ATP8B4: variants seen among roughly 807,000 people sequenced by gnomAD.
ATP8B4 encodes ATPase phospholipid transporting 8B4 (putative), also known as probable phospholipid-transporting ATPase IM.
In ATP8B4, 133 loss-of-function variants were observed where a neutral mutation model predicts 145.6. The observed-to-expected ratio is 0.91, with a 90% CI of 0.79 to 1.05. The LOEUF (loss-of-function observed/expected upper bound fraction) is 1.05, where lower values mean the gene tolerates loss of function less well. Among genes scored for constraint, ATP8B4 ranks in the 50% least tolerant of loss-of-function variants. The pLI is 0.00. For synonymous variants in ATP8B4, 507 were observed against 492.9 expected (o/e 1.03, Z -0.38); for missense variants, 1,458 against 1,425.2 (o/e 1.02, Z -0.37).
intron 1 of ATP8B4, among the ~76,000 whole-genome samples, chr15:50,158,036 C>T (rs1229186358): frequency 4.6e-5 from 7 of 152,210 alleles, no homozygotes; most frequent in African/African-American, 7.2e-5. Context: ...GGATTGCAGA[C>T]GGAGTCTCGT....
At chr15:50,101,852 G>A (rs534720496) in intron 2 of ATP8B4, among the ~76,000 whole-genome samples, 1 of 152,046 alleles carries the variant, frequency 6.6e-6, no homozygotes, top group African/African-American at 2.4e-5. Context: ...CACAAAACAA[G>A]TCTCAACAAA....
chr15:50,061,035 C>A (rs1338999686), intron 3 of ATP8B4, among the ~76,000 whole-genome samples: 1 of 152,232 alleles, frequency 6.6e-6, no homozygotes, highest in South Asian at 2.1e-4. Context: ...GTACTGGATT[C>A]CCCCAGTAGG....
At chr15:50,016,392 A>G (rs2049090585) in intron 6 of ATP8B4, among the ~76,000 whole-genome samples, 1 of 152,190 alleles carries the variant, frequency 6.6e-6, no homozygotes, top group Non-Finnish European at 1.5e-5. Context: ...TCTTAGATTG[A>G]CCATGGAGAA....
chr15:49,918,075 A>G (rs2039920860), intron 19 of ATP8B4, among the ~76,000 whole-genome samples: 2 of 152,246 alleles, frequency 1.3e-5, no homozygotes, highest in Non-Finnish European at 2.9e-5. Flanking sequence ...GAATTTTAAC[A>G]TAGGTGTATG....
At position 50,068,497 on chromosome 15, in the gene ATP8B4, A is replaced by T. The variant is rs566951256; in HGVS notation, c.87+5630T>A. On this transcript the variant is annotated intron_variant, in intron 3 of 27. Transcript: ENST00000284509. ...TTTTTAGGTGGGACTCTTTCTTTCT[A>T]AGCATGTAAAACTACTGGTTAAATC... 3.3e-5 allele frequency among the ~76,000 whole-genome samples: 5 copies of T among 152,308 alleles called. 1 individual carries two copies. The South Asian group carries it at 1.0e-3, about 32-fold the overall frequency.
At chr15:50,127,437 CAAACA>C (rs1181867008) in intron 1 of ATP8B4, among the ~76,000 whole-genome samples, 2 of 152,166 alleles carry the variant, frequency 1.3e-5, no homozygotes, top group Non-Finnish European at 2.9e-5. Context: ...GAGTGAGTCA[CAAACA>C]TACATCCCAC....
In ATP8B4 at chr15:50,090,272, T is replaced by C. The variant is rs527236721; in HGVS notation, c.29-16087A>G. Among the ~76,000 whole-genome samples the C allele has an allele frequency of 2.6e-4, 39 of 152,266 alleles. 1 individual carries two copies. Among genetic ancestry groups the C allele is most frequent in the Admixed American group, 7.2e-4 (11 of 15,280 alleles). ...AATAGTTAATGCATGCTGGGCTTAA[T>C]TCCTAGGTGACAGGTTGATAGATGC... is the stretch of plus-strand genomic sequence containing the variant. On this transcript the variant is annotated intron_variant, in intron 2 of 27. Transcript: ENST00000284509.
At chr15:50,020,143 T>A (rs1036393568) in intron 6 of ATP8B4, among the ~76,000 whole-genome samples, 2 of 149,688 alleles carry the variant, frequency 1.3e-5, no homozygotes, top group Non-Finnish European at 3.0e-5. Flanking sequence ...TTAGTAGAAA[T>A]GGGGTTTTGC....
At chr15:49,982,546 T>A (rs1446236106) in intron 10 of ATP8B4, 1 of 152,030 alleles carries the variant, frequency 6.6e-6, no homozygotes, top group Non-Finnish European at 1.5e-5. Flanking sequence ...ACTGGGGATA[T>A]TTGGTGCTGT....
At position 50,092,925 on chromosome 15, in the gene ATP8B4, T is replaced by C. The variant is rs535812406; in HGVS notation, c.28+14014A>G. ...TATATCTAGACACATAATAGTAATATTGCTCAAAGACAAAGTTTTTGAAGC... is the reference window on the plus strand; with the variant it reads ...TATATCTAGACACATAATAGTAATACTGCTCAAAGACAAAGTTTTTGAAGC... On this transcript the variant is annotated intron_variant, in intron 2 of 27. Transcript: ENST00000284509. Among the ~76,000 whole-genome samples the C allele has an allele frequency of 6.6e-4, 100 of 152,072 alleles. No homozygotes were observed. The South Asian group carries it at 0.021, about 31-fold the overall frequency.
chr15:49,876,975 G>C (rs1003502261), intron 24 of ATP8B4, among the ~76,000 whole-genome samples: 1 of 152,214 alleles, frequency 6.6e-6, no homozygotes, highest in Non-Finnish European at 1.5e-5. Context: ...TGTGGAGTCA[G>C]AATTGTCAAA....
chr15:50,013,050 A>G (rs186654451), intron 6 of ATP8B4, among the ~76,000 whole-genome samples: 117 of 152,306 alleles, frequency 7.7e-4, no homozygotes, highest in Admixed American at 1.8e-3. Flanking sequence ...TTTGAATCCA[A>G]TCATTTTTCT....
chr15:49,899,705 A>G (rs1008464935), intron 21 of ATP8B4, among the ~76,000 whole-genome samples: 2 of 152,160 alleles, frequency 1.3e-5, no homozygotes, highest in Admixed American at 6.5e-5. Flanking sequence ...AACAAAGGCC[A>G]AATTACATTC....
chr15:49,961,074 A>G (rs567731795), intron 14 of ATP8B4, among the ~76,000 whole-genome samples: 4 of 152,132 alleles, frequency 2.6e-5, no homozygotes, highest in South Asian at 4.1e-4. Context: ...CAGAGCTTGC[A>G]GTGAGCCGAG....
chr15:50,039,870 G>A (rs895670201), intron 5 of ATP8B4, among the ~76,000 whole-genome samples: 23 of 152,100 alleles, frequency 1.5e-4, no homozygotes, highest in African/African-American at 4.3e-4. Context: ...AGAATGACAG[G>A]TATAAGTTAA....
chr15:50,059,351 C>T (rs2052837506), intron 3 of ATP8B4, among the ~76,000 whole-genome samples: 1 of 152,172 alleles, frequency 6.6e-6, no homozygotes, highest in Non-Finnish European at 1.5e-5. Context: ...AACTGAGCCA[C>T]TTCTACGGGA....
intron 1 of ATP8B4, among the ~76,000 whole-genome samples, chr15:50,146,991 G>A (rs1468019037): frequency 6.6e-6 from 1 of 151,850 alleles, no homozygotes; most frequent in East Asian, 1.9e-4. Context: ...GTCTCACTGG[G>A]AACCAGTTTT....
intron 1 of ATP8B4, among the ~76,000 whole-genome samples, chr15:50,114,103 C>CTTTCTTTTTTTTTTTTTTTTTTTTT (rs1555494034): frequency 7.2e-5 from 4 of 55,644 alleles, no homozygotes; most frequent in African/African-American, 6.7e-5. Context: ...CTCCTAGTTT[C>CTTTCTTTTTTTTTTTTTTTTTTTTT]TTTTTTTTTT....
chr15:50,090,802 G>A (rs1600319651), intron 2 of ATP8B4, among the ~76,000 whole-genome samples: 1 of 151,882 alleles, frequency 6.6e-6, no homozygotes, highest in African/African-American at 2.4e-5. Flanking sequence ...TACCAGGGCT[G>A]GTCTCAAACT....
Sources: allele counts gnomAD v4.1 joint callset (sites outside exome capture counted in the v4.1 genomes callset), GRCh38; gene constraint gnomAD v4.1.1; transcripts MANE v1.5; gene names NCBI Gene and HGNC (gene_info 2026-07-23, HGNC 2026-07-21).